Variants in DACH2 observed in about 807,000 individuals in gnomAD.
The protein encoded by DACH2 is dachshund homolog 2.
Under a neutral mutation model 35.8 loss-of-function variants are expected in DACH2, and 17 were observed. The ratio of observed to expected loss-of-function variants is 0.48; its 90% CI spans 0.33 to 0.71. The LOEUF is 0.71. DACH2 is among the 30% of genes least tolerant of loss of function. The pLI is 0.02. For synonymous variants in DACH2, 195 were observed against 177.3 expected (o/e 1.10, Z -0.79); for missense variants, 469 against 472.7 (o/e 0.99, Z 0.07).
intron 3 of DACH2, among the ~76,000 whole-genome samples, chrX:86,578,362 CTGT>C (rs1378547849): frequency 1.8e-5 from 2 of 109,944 alleles, no homozygotes; most frequent in Non-Finnish European, 3.8e-5. Context: ...TCGATTTTTC[CTGT>C]TGTTAGCATC....
intron 7 of DACH2, among the ~76,000 whole-genome samples, chrX:86,740,990 A>G (rs765508915): frequency 1.1e-4 from 12 of 111,531 alleles, no homozygotes; most frequent in Non-Finnish European, 1.9e-4. Flanking sequence ...CAATTGAGCT[A>G]GGTAAAATAT....
At chrX:86,369,868 A>G (rs1279277807) in intron 1 of DACH2, among the ~76,000 whole-genome samples, 1 of 111,621 alleles carries the variant, frequency 9.0e-6, no homozygotes, top group African/African-American at 3.2e-5. Flanking sequence ...CTGTTCTTAT[A>G]CAAATCATGT....
chrX:86,401,451 C>T (rs899123592), intron 2 of DACH2, among the ~76,000 whole-genome samples: 6 of 112,098 alleles, frequency 5.4e-5, no homozygotes, highest in African/African-American at 1.9e-4. Context: ...ATGCAGAAAT[C>T]ACCCGTCTTC....
intron 4 of DACH2, among the ~76,000 whole-genome samples, chrX:86,673,209 C>A (rs769333055): frequency 9.1e-6 from 1 of 109,412 alleles, no homozygotes; most frequent in South Asian, 4.0e-4. Context: ...TGGTGGTGGG[C>A]GTCTGTAGTC....
chrX:86,706,581 G>A (rs1456692424), intron 5 of DACH2, among the ~76,000 whole-genome samples: 4 of 108,897 alleles, frequency 3.7e-5, no homozygotes, highest in Non-Finnish European at 7.6e-5. Flanking sequence ...ACCAAGATAG[G>A]ACACATTCTG....
At chrX:86,496,960 G>T (rs1322223118) in intron 2 of DACH2, among the ~76,000 whole-genome samples, 1 of 112,006 alleles carries the variant, frequency 8.9e-6, no homozygotes, top group African/African-American at 3.2e-5. Context: ...AGGAAGGAAG[G>T]TGAAGGTTAA....
intron 5 of DACH2, among the ~76,000 whole-genome samples, chrX:86,703,720 C>T (rs1207232222): frequency 1.8e-5 from 2 of 110,557 alleles, no homozygotes; most frequent in African/African-American, 3.3e-5. Flanking sequence ...AACAATGAGT[C>T]GAAAGATCTC....
chrX:86,746,090 AT>A (rs1324250950), intron 7 of DACH2, among the ~76,000 whole-genome samples: 1 of 111,260 alleles, frequency 9.0e-6, no homozygotes, highest in East Asian at 2.8e-4. Flanking sequence ...GTTTGCTTTT[AT>A]TTTTTAAGGT....
At chrX:86,426,790 G>C (rs1364010847) in intron 2 of DACH2, among the ~76,000 whole-genome samples, 1 of 111,395 alleles carries the variant, frequency 9.0e-6, no homozygotes, top group Non-Finnish European at 1.9e-5. Context: ...TCTGCATTTT[G>C]AGTATTTCCA....
intron 4 of DACH2, among the ~76,000 whole-genome samples, chrX:86,668,120 AT>A (rs1477493864): frequency 9.1e-6 from 1 of 110,413 alleles, no homozygotes; most frequent in Non-Finnish European, 1.9e-5. Context: ...GGAGAAAAAA[AT>A]AACTTTGTCT....
intron 1 of DACH2, among the ~76,000 whole-genome samples, chrX:86,301,804 G>T (rs1026870786): frequency 8.9e-6 from 1 of 111,859 alleles, no homozygotes; most frequent in Non-Finnish European, 1.9e-5. Context: ...TATATTAATT[G>T]TCCTGAATAT....
intron 3 of DACH2, among the ~76,000 whole-genome samples, chrX:86,643,428 C>T (rs2040372483): frequency 9.1e-6 from 1 of 110,189 alleles, no homozygotes; most frequent in Non-Finnish European, 1.9e-5. Flanking sequence ...AAATTGATTC[C>T]CAGAACAGAC....
At chrX:86,697,731 G>A (rs1417482355) in intron 5 of DACH2, among the ~76,000 whole-genome samples, 3 of 110,527 alleles carry the variant, frequency 2.7e-5, no homozygotes, top group Non-Finnish European at 3.8e-5. Flanking sequence ...AAAATGAAGA[G>A]TATCTTATAT....
intron 5 of DACH2, among the ~76,000 whole-genome samples, chrX:86,713,914 A>G (rs892322656): frequency 4.5e-5 from 5 of 112,066 alleles, no homozygotes; most frequent in Non-Finnish European, 7.5e-5. Flanking sequence ...ATGACCTAAC[A>G]ATATTTGTTA....
chrX:86,408,585 A>C (rs1225363792), intron 2 of DACH2, among the ~76,000 whole-genome samples: 3 of 112,199 alleles, frequency 2.7e-5, no homozygotes, highest in Non-Finnish European at 1.9e-5. Flanking sequence ...TAGTTGCTTC[A>C]ATTGGAAATT....
chrX:86,555,419 A>C (rs960816644), intron 3 of DACH2, among the ~76,000 whole-genome samples: 1 of 111,604 alleles, frequency 9.0e-6, no homozygotes, highest in Admixed American at 9.6e-5. Flanking sequence ...GTACGCTATC[A>C]GATGTGCAGG....
At chrX:86,272,199 A>AGAGTGTGTGTGT (rs1556008345) in intron 1 of DACH2, among the ~76,000 whole-genome samples, 6 of 100,456 alleles carry the variant, frequency 6.0e-5, no homozygotes, top group African/African-American at 1.8e-4. Context: ...TTCCTTTGAG[A>AGAGTGTGTGTGT]GTGTGTGTGT....
At chrX:86,194,860 G>T (rs1207100880) in intron 1 of DACH2, among the ~76,000 whole-genome samples, 1 of 112,803 alleles carries the variant, frequency 8.9e-6, no homozygotes, top group African/African-American at 3.2e-5. Flanking sequence ...AGATAGTCTT[G>T]CCTGTCAGAG....
chrX:86,624,060 C>CAAAAAA (rs34140706), intron 3 of DACH2, among the ~76,000 whole-genome samples: 374 of 35,614 alleles, frequency 0.011, no homozygotes, highest in East Asian at 0.03. Flanking sequence ...AAAAACAAAA[C>CAAAAAA]AAAAAAAAAA....
Sources: allele counts gnomAD v4.1 joint callset (sites outside exome capture counted in the v4.1 genomes callset), GRCh38; gene constraint gnomAD v4.1.1; transcripts MANE v1.5; gene names NCBI Gene and HGNC (gene_info 2026-07-23, HGNC 2026-07-21).